THSD7B: variants seen among roughly 807,000 people sequenced by gnomAD.
THSD7B encodes the protein thrombospondin type 1 domain containing 7B, also known as thrombospondin type-1 domain-containing protein 7B.
Under a neutral mutation model 213.6 loss-of-function variants are expected in THSD7B, and 138 were observed. The ratio of observed to expected loss-of-function variants is 0.65; its 90% CI spans 0.56 to 0.74. The LOEUF (loss-of-function observed/expected upper bound fraction) is 0.74, where lower values mean the gene tolerates loss of function less well. Ranked by LOEUF, THSD7B falls within the 30% of genes least tolerant of loss-of-function variation. THSD7B has a pLI of 0.00. For missense variants in THSD7B, 1,931 were observed against 1,991.5 expected (o/e 0.97, Z 0.58); for synonymous variants, 742 against 687.0 (o/e 1.08, Z -1.25).
At chr2:137,232,471 C>T (rs974221914) in intron 8 of THSD7B, among the ~76,000 whole-genome samples, 2 of 151,962 alleles carry the variant, frequency 1.3e-5, no homozygotes, top group Admixed American at 6.6e-5. Flanking sequence ...TTAGGAAGAC[C>T]GTGCTGCATA....
intron 1 of THSD7B, among the ~76,000 whole-genome samples, chr2:136,855,317 A>C (rs190653040): frequency 1.4e-4 from 22 of 152,052 alleles, no homozygotes; most frequent in African/African-American, 5.3e-4. Flanking sequence ...ACACCACCCT[A>C]CTCTCACCAC....
chr2:137,080,988 A>G (rs2104904551), intron 3 of THSD7B, among the ~76,000 whole-genome samples: 1 of 152,258 alleles, frequency 6.6e-6, no homozygotes, highest in East Asian at 1.9e-4. Context: ...GTTTAGCCAG[A>G]TATATTATTC....
chr2:137,233,147 T>C lies in THSD7B; in HGVS notation c.2150+14T>C. 1 of 1,600,250 alleles carries C rather than the reference T, an allele frequency of 6.2e-7. No homozygotes were observed. Among genetic ancestry groups the C allele is most frequent in the Non-Finnish European group, 8.5e-7 (1 of 1,171,210 alleles). ...AATGACCAAAAGGTATTTATTAGGC[T>C]GTTACTGAAAATGCATTTGCTTATT... On this transcript the variant is annotated intron_variant, in intron 9 of 27. Transcript: ENST00000409968.
At chr2:137,639,408 T>C (rs1682895618) in intron 20 of THSD7B, among the ~76,000 whole-genome samples, 1 of 152,202 alleles carries the variant, frequency 6.6e-6, no homozygotes, top group African/African-American at 2.4e-5. Context: ...AGGCAAAAGT[T>C]TGCTGCAGGG....
chr2:136,872,239 G>A (rs1327649658), intron 1 of THSD7B, among the ~76,000 whole-genome samples: 7 of 152,148 alleles, frequency 4.6e-5, no homozygotes, highest in African/African-American at 1.7e-4. Context: ...TGGTGTCTGA[G>A]CCTCAGGTTT....
In THSD7B at chr2:136,952,030, CA is replaced by C. The variant is rs1428938206; in HGVS notation, c.139+69714del. On this transcript the variant is annotated intron_variant, in intron 2 of 27. Transcript: ENST00000409968. ...AACTACAGGCACGCACCATCACGCC[CA>C]GCTAATTTTTGTATTTTTAGTGGAG... 9.2e-5 allele frequency among the ~76,000 whole-genome samples: 14 copies of C among 152,108 alleles called. No homozygotes were observed. The East Asian group carries it at 2.5e-3, about 27-fold the overall frequency.
intron 2 of THSD7B, among the ~76,000 whole-genome samples, chr2:136,933,594 A>G (rs1272033718): frequency 6.6e-6 from 1 of 152,038 alleles, no homozygotes; most frequent in East Asian, 1.9e-4. Flanking sequence ...CAAAAAAACA[A>G]CAAAAGAAAA....
chr2:137,109,161 G>A (rs975976180), intron 4 of THSD7B, among the ~76,000 whole-genome samples: 25 of 152,114 alleles, frequency 1.6e-4, no homozygotes, highest in Non-Finnish European at 2.9e-4. Context: ...ACCTTTAAAT[G>A]TATAATTTCT....
At chr2:136,848,322 G>A (rs755686240) in intron 1 of THSD7B, among the ~76,000 whole-genome samples, 1 of 152,066 alleles carries the variant, frequency 6.6e-6, no homozygotes, top group East Asian at 1.9e-4. Flanking sequence ...ACATTGTTGG[G>A]CTTCATTCTT....
intron 1 of THSD7B, among the ~76,000 whole-genome samples, chr2:136,774,507 A>G (rs1267241530): frequency 6.6e-6 from 1 of 152,130 alleles, no homozygotes; most frequent in Non-Finnish European, 1.5e-5. Context: ...ATTGTGTGCA[A>G]CATATAAAAA....
intron 12 of THSD7B, among the ~76,000 whole-genome samples, chr2:137,386,548 T>G (rs934117603): frequency 4.6e-5 from 7 of 152,224 alleles, no homozygotes; most frequent in African/African-American, 1.7e-4. Context: ...TCCTTTTTCT[T>G]TAACTATTAG....
At chr2:137,072,459 C>T (rs1687513152) in intron 3 of THSD7B, among the ~76,000 whole-genome samples, 1 of 152,010 alleles carries the variant, frequency 6.6e-6, no homozygotes, top group African/African-American at 2.4e-5. Context: ...ATTTTGTATC[C>T]TGAGACTTTG....
chr2:137,272,545 T>C lies in THSD7B; in HGVS notation c.2279T>C (p.Val760Ala), dbSNP rs2104806881. Residue 760 changes from valine (V) to alanine (A), a missense_variant, in exon 11 of 28, where the codon GTA (valine) becomes GCA (alanine). Transcript: ENST00000409968. ...PRMCQAGNAT[V>A]KQSRYRIIIQ... is the part of the protein sequence containing the mutation. Reference sequence around the variant, plus strand: ...TCCTTTACTTCAGGAAATGCCACAGTAAAACAGTCTCGATACAGAATCATC... The same window carrying C: ...TCCTTTACTTCAGGAAATGCCACAGCAAAACAGTCTCGATACAGAATCATC... 6.2e-7 allele frequency: 1 copy of C among 1,609,684 alleles called. No individual in the cohort carries two copies. Among genetic ancestry groups the C allele is most frequent in the East Asian group, 2.2e-5 (1 of 44,714 alleles).
At chr2:137,322,695 C>T (rs1296391787) in intron 12 of THSD7B, among the ~76,000 whole-genome samples, 1 of 152,162 alleles carries the variant, frequency 6.6e-6, no homozygotes, top group Non-Finnish European at 1.5e-5. Flanking sequence ...TGACCTTCAG[C>T]TGAGATTTGA....
intron 5 of THSD7B, among the ~76,000 whole-genome samples, chr2:137,158,642 CAT>C (rs147977140): frequency 0.056 from 8,588 of 152,188 alleles, 784 homozygotes; most frequent in African/African-American, 0.19. Context: ...ACTTTTTCCC[CAT>C]GGGTTGCAAC....
intron 1 of THSD7B, among the ~76,000 whole-genome samples, chr2:136,766,408 C>A (rs1307997921): frequency 6.6e-6 from 1 of 150,612 alleles, no homozygotes; most frequent in Non-Finnish European, 1.5e-5. Flanking sequence ...GAGTGAGGGG[C>A]AGGGAGGGGG....
At chr2:137,192,905 G>C (rs1056162252) in intron 7 of THSD7B, among the ~76,000 whole-genome samples, 17 of 152,144 alleles carry the variant, frequency 1.1e-4, no homozygotes, top group African/African-American at 4.1e-4. Context: ...ATTACTTGAC[G>C]TGGTGTCTCT....
At chr2:137,477,127 A>G (rs1426533330) in intron 15 of THSD7B, among the ~76,000 whole-genome samples, 3 of 152,168 alleles carry the variant, frequency 2.0e-5, no homozygotes, top group East Asian at 1.9e-4. Context: ...ATATCCAGCT[A>G]TTATTGTATT....
intron 3 of THSD7B, among the ~76,000 whole-genome samples, chr2:137,078,447 A>T (rs541827802): frequency 7.2e-4 from 110 of 152,274 alleles, no homozygotes; most frequent in African/African-American, 2.5e-3. Flanking sequence ...CATATCCTTT[A>T]TTAAGAGTTC....
Sources: gnomAD v4.1 joint callset for allele counts (sites outside exome capture counted in the v4.1 genomes callset) on GRCh38, gnomAD v4.1.1 for gene constraint, MANE v1.5 for transcripts, NCBI Gene and HGNC (gene_info 2026-07-23, HGNC 2026-07-21) for gene names.